MAN1A1: variants seen among roughly 807,000 people sequenced by gnomAD.
MAN1A1 encodes the protein mannosidase alpha class 1A member 1.
In MAN1A1, 29 loss-of-function variants were observed where a neutral mutation model predicts 70.8. The ratio of observed to expected loss-of-function variants is 0.41; its 90% CI spans 0.31 to 0.56. MAN1A1 has a LOEUF of 0.56. Among genes scored for constraint, MAN1A1 ranks in the 20% least tolerant of loss-of-function variants. MAN1A1 has a pLI of 0.29. For synonymous variants in MAN1A1, 349 were observed against 330.1 expected (o/e 1.06, Z -0.62); for missense variants, 747 against 841.3 (o/e 0.89, Z 1.39).
intron 2 of MAN1A1, among the ~76,000 whole-genome samples, chr6:119,316,502 T>TC (rs1212618339): frequency 2.0e-5 from 3 of 152,104 alleles, no homozygotes; most frequent in African/African-American, 7.2e-5. Flanking sequence ...TCACAGATGC[T>TC]CCCTTAATAT....
chr6:119,339,713 C>G (rs919601326), intron 2 of MAN1A1, among the ~76,000 whole-genome samples: 22 of 152,098 alleles, frequency 1.4e-4, no homozygotes, highest in African/African-American at 5.3e-4. Context: ...CCTATTCTAT[C>G]CTTTGATAAG....
intron 2 of MAN1A1, among the ~76,000 whole-genome samples, chr6:119,324,238 C>T (rs1307336376): frequency 6.6e-6 from 1 of 152,170 alleles, no homozygotes; most frequent in African/African-American, 2.4e-5. Flanking sequence ...TCACTTCCAC[C>T]TGAATAAATA....
intron 5 of MAN1A1, among the ~76,000 whole-genome samples, chr6:119,253,627 C>T (rs981574442): frequency 6.6e-6 from 1 of 152,134 alleles, no homozygotes; most frequent in Non-Finnish European, 1.5e-5. Flanking sequence ...CAGGAATAAA[C>T]AAACTTATTT....
chr6:119,188,895 T>C (rs1773364280), intron 10 of MAN1A1, among the ~76,000 whole-genome samples: 1 of 152,198 alleles, frequency 6.6e-6, no homozygotes. Context: ...ACAAAAACTC[T>C]ATAAATGTTC....
intron 6 of MAN1A1, among the ~76,000 whole-genome samples, chr6:119,220,273 T>C (rs1774322982): frequency 6.6e-6 from 1 of 152,212 alleles, no homozygotes; most frequent in Admixed American, 6.5e-5. Context: ...TAAAATGAAA[T>C]AGAAAATTTA....
At chr6:119,243,433 T>C (rs1168361158) in intron 6 of MAN1A1, among the ~76,000 whole-genome samples, 2 of 152,196 alleles carry the variant, frequency 1.3e-5, no homozygotes, top group East Asian at 1.9e-4. Flanking sequence ...CATAGGGAGA[T>C]ATAGGAAAAC....
chr6:119,319,991 A>T (rs1772964222), intron 2 of MAN1A1, among the ~76,000 whole-genome samples: 1 of 151,074 alleles, frequency 6.6e-6, no homozygotes, highest in African/African-American at 2.4e-5. Context: ...TTTTTTTTTT[A>T]AGAGACGGAG....
chr6:119,277,073 A>C (rs559801945), intron 5 of MAN1A1, among the ~76,000 whole-genome samples: 2 of 152,318 alleles, frequency 1.3e-5, no homozygotes, highest in South Asian at 4.1e-4. Context: ...AATTATTATA[A>C]AATAAATATC....
chr6:119,330,830 C>T (rs900901424), intron 2 of MAN1A1, among the ~76,000 whole-genome samples: 2 of 151,586 alleles, frequency 1.3e-5, no homozygotes, highest in African/African-American at 4.9e-5. Flanking sequence ...TACTTTACTT[C>T]ATTTAGAAAG....
chr6:119,218,756 C>T (rs531154212), intron 6 of MAN1A1, among the ~76,000 whole-genome samples: 141 of 152,266 alleles, frequency 9.3e-4, no homozygotes, highest in African/African-American at 3.2e-3. Context: ...TATGAATGCA[C>T]CCCGCGCTGG....
intron 3 of MAN1A1, among the ~76,000 whole-genome samples, chr6:119,304,384 C>T (rs1175096455): frequency 6.6e-6 from 1 of 152,098 alleles, no homozygotes; most frequent in Non-Finnish European, 1.5e-5. Flanking sequence ...TTTTCATTGA[C>T]ATTTCATTTC....
At chr6:119,222,266 G>A (rs1471582942) in intron 6 of MAN1A1, among the ~76,000 whole-genome samples, 1 of 149,914 alleles carries the variant, frequency 6.7e-6, no homozygotes, top group Admixed American at 6.7e-5. Flanking sequence ...TAAACACCCT[G>A]AAGTGTTTTT....
At chr6:119,189,173 G>A (rs1274034210) in intron 10 of MAN1A1, among the ~76,000 whole-genome samples, 2 of 152,030 alleles carry the variant, frequency 1.3e-5, no homozygotes, top group African/African-American at 4.8e-5. Context: ...GCAGATACAA[G>A]GCACCATGAA....
At chr6:119,251,914 C>T (rs960499334) in intron 5 of MAN1A1, among the ~76,000 whole-genome samples, 1 of 152,148 alleles carries the variant, frequency 6.6e-6, no homozygotes, top group African/African-American at 2.4e-5. Flanking sequence ...CTTTCCTGAG[C>T]CCTCTGTATG....
At chr6:119,190,227 A>T (rs1308886044) in intron 9 of MAN1A1, among the ~76,000 whole-genome samples, 1 of 152,180 alleles carries the variant, frequency 6.6e-6, no homozygotes, top group South Asian at 2.1e-4. Context: ...TTTCATTTCC[A>T]TAAGTGGTGA....
At chr6:119,233,700 C>T (rs138672696) in intron 6 of MAN1A1, among the ~76,000 whole-genome samples, 3 of 152,198 alleles carry the variant, frequency 2.0e-5, no homozygotes, top group South Asian at 4.1e-4. Context: ...TTCAGACATA[C>T]ATTGCTCCCA....
At chr6:119,214,215 C>A (rs969993555) in intron 6 of MAN1A1, among the ~76,000 whole-genome samples, 2 of 152,066 alleles carry the variant, frequency 1.3e-5, no homozygotes, top group East Asian at 3.9e-4. Flanking sequence ...CTGCCCACCT[C>A]GGCCTCCCAA....
At chr6:119,304,831 C>G (rs1194533075) in intron 3 of MAN1A1, among the ~76,000 whole-genome samples, 1 of 152,106 alleles carries the variant, frequency 6.6e-6, no homozygotes, top group Non-Finnish European at 1.5e-5. Context: ...TCCTAAGAAG[C>G]CAGGTGGTAA....
At position 119,194,358 on chromosome 6, in the gene MAN1A1, C is replaced by G. The variant is rs888354494; in HGVS notation, c.1211-466G>C. Reference sequence around the variant, plus strand: ...CATTATTATTATTTCTAAACTCACTCTGTCACCCAGGCTGGAGTGCAGAGG... The same window carrying G: ...CATTATTATTATTTCTAAACTCACTGTGTCACCCAGGCTGGAGTGCAGAGG... On this transcript the variant is annotated intron_variant, in intron 8 of 12. Transcript: ENST00000368468. 3.3e-5 allele frequency among the ~76,000 whole-genome samples: 5 copies of G among 152,278 alleles called. No homozygotes were observed. The South Asian group carries it at 8.3e-4, about 25-fold the overall frequency.
Sources: gnomAD v4.1 joint callset for allele counts (sites outside exome capture counted in the v4.1 genomes callset) on GRCh38, gnomAD v4.1.1 for gene constraint, MANE v1.5 for transcripts, NCBI Gene and HGNC (gene_info 2026-07-23, HGNC 2026-07-21) for gene names.